Variants in GRIA4 observed in about 807,000 individuals in gnomAD.
GRIA4 encodes the protein glutamate receptor 4.
Under a neutral mutation model 104.0 loss-of-function variants are expected in GRIA4, and 34 were observed. The ratio of observed to expected loss-of-function variants is 0.33; its 90% confidence interval spans 0.25 to 0.44. The LOEUF (loss-of-function observed/expected upper bound fraction) is 0.44. GRIA4 is among the 20% of genes least tolerant of loss of function. GRIA4 has a pLI of 1.00. For synonymous variants in GRIA4, 386 were observed against 381.9 expected, an observed-to-expected ratio of 1.01 and a Z score of -0.13; for missense variants, 750 against 1,096.5, an observed-to-expected ratio of 0.68 and a Z score of 4.46.
chr11:105,645,776 C>T (rs921563095), intron 3 of GRIA4, among the ~76,000 whole-genome samples: 7 of 152,068 alleles, frequency 4.6e-5, no homozygotes, highest in Non-Finnish European at 1.0e-4. Context: ...ATATTATAGC[C>T]ATGAAAGATA....
At chr11:105,913,570 A>T in intron 10 of GRIA4, 1 of 785,216 alleles carries the variant, frequency 1.3e-6, no homozygotes, top group Non-Finnish European at 1.5e-6. Context: ...AAGAAGCCAA[A>T]TCTATTCCAT....
intron 14 of GRIA4, among the ~76,000 whole-genome samples, chr11:105,957,684 C>G (rs915489433): frequency 8.5e-5 from 13 of 152,286 alleles, no homozygotes; most frequent in Admixed American, 2.0e-4. Context: ...GGCATTGAAT[C>G]TATAAATCAC....
At chr11:105,742,227 A>G (rs1225176973) in intron 3 of GRIA4, among the ~76,000 whole-genome samples, 2 of 152,128 alleles carry the variant, frequency 1.3e-5, no homozygotes, top group Non-Finnish European at 2.9e-5. Context: ...AACTACTTTC[A>G]AACCCCCTTT....
At chr11:105,855,511 TAAAAGA>T (rs1944978523) in intron 4 of GRIA4, among the ~76,000 whole-genome samples, 2 of 152,112 alleles carry the variant, frequency 1.3e-5, no homozygotes, top group East Asian at 3.9e-4. Flanking sequence ...GTAAAACAGA[TAAAAGA>T]AAAAGTTGTA....
chr11:105,953,276 TGATTAATAAAA>T (rs1425406679), intron 14 of GRIA4, among the ~76,000 whole-genome samples: 1 of 152,244 alleles, frequency 6.6e-6, no homozygotes, highest in Non-Finnish European at 1.5e-5. Flanking sequence ...TGTGTTTTCT[TGATTAATAAAA>T]TAGTCATTTT....
chr11:105,857,505 C>T (rs918153298), intron 4 of GRIA4, among the ~76,000 whole-genome samples: 37 of 152,134 alleles, frequency 2.4e-4, no homozygotes, highest in African/African-American at 8.4e-4. Context: ...ACCTAGTCTT[C>T]TCCTTCCCAA....
chr11:105,921,321 G>A (rs1014642511), intron 11 of GRIA4, among the ~76,000 whole-genome samples: 6 of 150,342 alleles, frequency 4.0e-5, no homozygotes, highest in African/African-American at 1.5e-4. Context: ...GTGTGTGTGT[G>A]TGTGTGTGTG....
At chr11:105,697,064 A>G (rs1953306516) in intron 3 of GRIA4, among the ~76,000 whole-genome samples, 1 of 152,152 alleles carries the variant, frequency 6.6e-6, no homozygotes, top group Admixed American at 6.6e-5. Flanking sequence ...GCACCCAGCC[A>G]ACTTTTCCTG....
At chr11:105,954,424 G>A (rs1948532546) in intron 14 of GRIA4, among the ~76,000 whole-genome samples, 1 of 151,918 alleles carries the variant, frequency 6.6e-6, no homozygotes, top group Non-Finnish European at 1.5e-5. Context: ...ACTTTCCACT[G>A]CCCAGAAAAT....
intron 3 of GRIA4, among the ~76,000 whole-genome samples, chr11:105,747,472 C>T (rs753172368): frequency 6.6e-6 from 1 of 152,056 alleles, no homozygotes; most frequent in Non-Finnish European, 1.5e-5. Context: ...ACAACAGTAA[C>T]ACGTAAGACA....
At chr11:105,951,010 CCCAGGGA>C (rs1292898681) in intron 14 of GRIA4, among the ~76,000 whole-genome samples, 7 of 152,058 alleles carry the variant, frequency 4.6e-5, no homozygotes, top group Non-Finnish European at 8.8e-5. Flanking sequence ...TTCATTAGGC[CCCAGGGA>C]CTGCATCCTA....
chr11:105,745,726 A>T (rs1939618187), intron 3 of GRIA4, among the ~76,000 whole-genome samples: 1 of 152,208 alleles, frequency 6.6e-6, no homozygotes, highest in African/African-American at 2.4e-5. Context: ...AAATATCACT[A>T]ATATGAGGAG....
At chr11:105,679,417 T>C (rs1952641051) in intron 3 of GRIA4, among the ~76,000 whole-genome samples, 1 of 152,122 alleles carries the variant, frequency 6.6e-6, no homozygotes, top group Admixed American at 6.6e-5. Flanking sequence ...ACATGAAAAC[T>C]TGGCATCCAT....
rs186224143 is a variant in GRIA4 at position 105,962,037 on chromosome 11, A to G, written c.2295-9877A>G. Among the ~76,000 whole-genome samples, 11 of 152,322 alleles carry G rather than the reference A, an allele frequency of 7.2e-5. No homozygotes were observed. In the East Asian group the frequency reaches 2.1e-3, roughly 29 times the overall value. On this transcript the variant is annotated intron_variant, in intron 14 of 16. Transcript: ENST00000282499. The stretch of plus-strand genomic sequence containing the variant: ...GCTGTATCATCAGTCCTTTAGAACA[A>G]TGTTCACAAATCCAGGAAATCAGAA...
At chr11:105,689,347 T>C (rs912611952) in intron 3 of GRIA4, among the ~76,000 whole-genome samples, 2 of 152,196 alleles carry the variant, frequency 1.3e-5, no homozygotes, top group African/African-American at 2.4e-5. Context: ...TGTTCTCCGA[T>C]GACAAAATTT....
In GRIA4 at chr11:105,876,910, T is replaced by C. The variant is rs181509522; in HGVS notation, c.673-10609T>C. 1.6e-3 allele frequency among the ~76,000 whole-genome samples: 244 copies of C among 152,378 alleles called. 1 individual carries two copies. Among genetic ancestry groups the C allele is most frequent in the African/African-American group, 5.6e-3 (234 of 41,592 alleles). ...TTTTAATTGGGGCATTTAGCCCGTT[T>C]ACATTTAAGGTTAATATTGTTACAT... is the stretch of plus-strand genomic sequence containing the variant. On this transcript the variant is annotated intron_variant, in intron 5 of 16. Transcript: ENST00000282499.
At chr11:105,610,870 C>CTTTTTTTTTTTTTTTTTTTTTTTTTT (rs55973528) in intron 1 of GRIA4, 38 bp from the exon 2 acceptor site, 17 of 357,384 alleles carry the variant, frequency 4.8e-5, no homozygotes, top group African/African-American at 1.3e-4. Context: ...TCTTTCTTTT[C>CTTTTTTTTTTTTTTTTTTTTTTTTTT]TTTTTTTTTT....
At chr11:105,954,910 T>TTATATATATA (rs56101816) in intron 14 of GRIA4, among the ~76,000 whole-genome samples, 475 of 45,702 alleles carry the variant, frequency 0.01, 1 homozygote, top group East Asian at 0.039. Context: ...TGCTTTCAAT[T>TTATATATATA]TATATATATA....
At position 105,790,462 on chromosome 11, in the gene GRIA4, T is replaced by C. The variant is rs1942166954; in HGVS notation, c.487+37242T>C. Among the ~76,000 whole-genome samples, 2 of 152,146 alleles carry C rather than the reference T, an allele frequency of 1.3e-5. 1 individual carries two copies. The highest frequency in any genetic ancestry group is 4.1e-4 in the South Asian group (2 of 4,828). ...AGTGGCAGGTGATCTATGAGCTTAGTTGTCTTCTCCCATGCAGCTAAAATG... is the reference window on the plus strand; with the variant it reads ...AGTGGCAGGTGATCTATGAGCTTAGCTGTCTTCTCCCATGCAGCTAAAATG... On this transcript the variant is annotated intron_variant, in intron 4 of 16. Transcript: ENST00000282499.
Sources: gnomAD v4.1 joint callset for allele counts (sites outside exome capture counted in the v4.1 genomes callset) on GRCh38, gnomAD v4.1.1 for gene constraint, MANE v1.5 for transcripts, NCBI Gene and HGNC (gene_info 2026-07-23, HGNC 2026-07-21) for gene names.